LRRC4C: variants seen among roughly 807,000 people sequenced by gnomAD.
LRRC4C encodes the protein leucine-rich repeat-containing protein 4C.
LRRC4C carries 5 observed loss-of-function variants against 33.6 expected under a neutral mutation model. The ratio of observed to expected loss-of-function variants is 0.15; its 90% CI spans 0.08 to 0.31. LRRC4C has a LOEUF of 0.31. LRRC4C is among the 10% of genes least tolerant of loss of function. LRRC4C has a pLI of 1.00. For synonymous variants in LRRC4C, 329 were observed against 302.0 expected, an observed-to-expected ratio of 1.09 and a Z score of -0.93; for missense variants, 560 against 796.7, an observed-to-expected ratio of 0.70 and a Z score of 3.58.
intron 4 of LRRC4C, among the ~76,000 whole-genome samples, chr11:40,253,959 C>T (rs529571321): frequency 2.6e-5 from 4 of 152,282 alleles, no homozygotes; most frequent in South Asian, 4.2e-4. Context: ...CATGCCCTTT[C>T]CTTTAACATT....
intron 2 of LRRC4C, among the ~76,000 whole-genome samples, chr11:40,828,419 C>A (rs1299971694): frequency 1.3e-5 from 2 of 151,710 alleles, no homozygotes; most frequent in African/African-American, 4.8e-5. Context: ...TTTCAGTCTT[C>A]AGACTAATGG....
chr11:41,121,091 C>T (rs1942404310), intron 1 of LRRC4C, among the ~76,000 whole-genome samples: 1 of 152,094 alleles, frequency 6.6e-6, no homozygotes, highest in Non-Finnish European at 1.5e-5. Flanking sequence ...TAAAAACAGA[C>T]TAATAAACTA....
chr11:41,062,031 C>T (rs1937811389), intron 1 of LRRC4C, among the ~76,000 whole-genome samples: 1 of 152,158 alleles, frequency 6.6e-6, no homozygotes, highest in Non-Finnish European at 1.5e-5. Flanking sequence ...TGCTACATCT[C>T]CTGTACTTAG....
At chr11:40,679,273 T>C (rs142974605) in intron 2 of LRRC4C, among the ~76,000 whole-genome samples, 1 of 152,206 alleles carries the variant, frequency 6.6e-6, no homozygotes, top group Non-Finnish European at 1.5e-5. Flanking sequence ...ACCTTTTTTT[T>C]TAAAGGGAAA....
intron 2 of LRRC4C, among the ~76,000 whole-genome samples, chr11:40,660,580 ATGT>A (rs1415680086): frequency 6.6e-6 from 1 of 152,164 alleles, no homozygotes; most frequent in South Asian, 2.1e-4. Context: ...CATTTGCCAC[ATGT>A]TGTTGCTGCT....
At chr11:40,650,388 C>A (rs2136143242) in intron 2 of LRRC4C, among the ~76,000 whole-genome samples, 1 of 152,280 alleles carries the variant, frequency 6.6e-6, no homozygotes. Context: ...CCTGACCCAG[C>A]ATGATAACTG....
rs1315898181 is a variant in LRRC4C at position 40,690,582 on chromosome 11, C to T, written c.-406-42304G>A. On this transcript the variant is annotated intron_variant, in intron 2 of 6. Coordinates refer to ENST00000528697, the MANE Select transcript of LRRC4C (RefSeq NM_001258419.2). ...CATTGGCATATTCAGTCTCTTAGAA[C>T]GGAGAGATTTTTACTTCAAAACTCA... is the stretch of plus-strand genomic sequence containing the variant. Among the ~76,000 whole-genome samples the T allele has an allele frequency of 5.9e-5, 9 of 152,118 alleles. No individual in the cohort carries two copies. The South Asian group carries it at 1.5e-3, about 25-fold the overall frequency.
chr11:40,582,825 T>TA (rs1223297267), intron 3 of LRRC4C, among the ~76,000 whole-genome samples: 1 of 151,572 alleles, frequency 6.6e-6, no homozygotes, highest in Non-Finnish European at 1.5e-5. Context: ...CCTGTTCAAT[T>TA]TTTTTTTAAA....
intron 1 of LRRC4C, among the ~76,000 whole-genome samples, chr11:40,981,231 T>C (rs956205482): frequency 6.6e-6 from 1 of 151,990 alleles, no homozygotes; most frequent in African/African-American, 2.4e-5. Context: ...CTGGCCAACA[T>C]GGTGAAACCC....
intron 1 of LRRC4C, among the ~76,000 whole-genome samples, chr11:40,964,083 T>C (rs1433122106): frequency 1.3e-5 from 2 of 151,606 alleles, no homozygotes; most frequent in Non-Finnish European, 3.0e-5. Flanking sequence ...TATTTCTCAA[T>C]GTGCCGCAGT....
At chr11:40,430,700 G>A (rs146504726) in intron 3 of LRRC4C, among the ~76,000 whole-genome samples, 1,697 of 151,902 alleles carry the variant, frequency 0.011, 31 homozygotes, top group African/African-American at 0.039. Context: ...TGACAACCTT[G>A]CCTTCTATTA....
intron 5 of LRRC4C, among the ~76,000 whole-genome samples, chr11:40,193,829 A>C (rs1862040314): frequency 1.3e-5 from 2 of 152,174 alleles, no homozygotes; most frequent in African/African-American, 4.8e-5. Context: ...TCAATAGCTG[A>C]ATCGATCAAG....
chr11:40,842,801 C>T (rs1286417052), intron 2 of LRRC4C, among the ~76,000 whole-genome samples: 1 of 152,096 alleles, frequency 6.6e-6, no homozygotes, highest in African/African-American at 2.4e-5. Flanking sequence ...ATTACAATCA[C>T]CTGGTAAATT....
At chr11:41,333,264 G>T (rs1030350846) in intron 1 of LRRC4C, among the ~76,000 whole-genome samples, 2 of 152,096 alleles carry the variant, frequency 1.3e-5, no homozygotes, top group Non-Finnish European at 2.9e-5. Context: ...TTTCAAAGTA[G>T]AACACTTAGC....
At chr11:40,473,537 C>G (rs527812107) in intron 3 of LRRC4C, among the ~76,000 whole-genome samples, 2 of 151,980 alleles carry the variant, frequency 1.3e-5, no homozygotes, top group African/African-American at 4.8e-5. Context: ...CTTTGACAAC[C>G]GGCACAAGAC....
chr11:41,117,453 C>G (rs1942193385), intron 1 of LRRC4C, among the ~76,000 whole-genome samples: 1 of 152,058 alleles, frequency 6.6e-6, no homozygotes, highest in Non-Finnish European at 1.5e-5. Context: ...TAGCTTAATA[C>G]AAATGTCATT....
chr11:41,368,955 G>T (rs150694536), intron 1 of LRRC4C, among the ~76,000 whole-genome samples: 2 of 152,084 alleles, frequency 1.3e-5, no homozygotes, highest in Middle Eastern at 3.2e-3. Flanking sequence ...TTCTTAAAAG[G>T]ATATCCTCTT....
At chr11:40,728,821 G>A (rs940257780) in intron 2 of LRRC4C, among the ~76,000 whole-genome samples, 5 of 152,012 alleles carry the variant, frequency 3.3e-5, no homozygotes, top group African/African-American at 1.2e-4. Context: ...ATGAAAACTT[G>A]TCATTTTCAG....
intron 3 of LRRC4C, among the ~76,000 whole-genome samples, chr11:40,646,530 T>C (rs555531803): frequency 5.3e-5 from 8 of 152,266 alleles, no homozygotes; most frequent in Non-Finnish European, 1.2e-4. Flanking sequence ...TCCCTGTGTA[T>C]AAATAGAAAG....
Sources: gnomAD v4.1 joint callset for allele counts (sites outside exome capture counted in the v4.1 genomes callset) on GRCh38, gnomAD v4.1.1 for gene constraint, MANE v1.5 for transcripts, NCBI Gene and HGNC (gene_info 2026-07-23, HGNC 2026-07-21) for gene names.